GRIK4: variants seen among roughly 807,000 people sequenced by gnomAD.
GRIK4 encodes glutamate ionotropic receptor kainate type subunit 4.
A neutral mutation model predicts 104.9 loss-of-function variants in GRIK4; 40 were observed. The observed-to-expected ratio is 0.38, with a 90% confidence interval of 0.30 to 0.50. The LOEUF (loss-of-function observed/expected upper bound fraction) is 0.50. GRIK4 is among the 20% of genes least tolerant of loss of function. The pLI is 0.93. For missense variants in GRIK4, 1,047 were observed against 1,308.1 expected (o/e 0.80, Z 3.08); for synonymous variants, 485 against 524.9 (o/e 0.92, Z 1.04).
At position 120,594,757 on chromosome 11, in the gene GRIK4, C is replaced by T. The variant is rs188568109; in HGVS notation, c.-158-58928C>T. ...CCTGTGATTCACTGCAGTTGGGCCA[C>T]GGTTAATCCAATTCACTCATAGCCG... On this transcript the variant is annotated intron_variant, in intron 1 of 20. Transcript: ENST00000527524. Among the ~76,000 whole-genome samples the T allele has an allele frequency of 2.1e-4, 32 of 152,254 alleles. No homozygotes were observed. In the East Asian group the frequency reaches 5.6e-3, roughly 27 times the overall value.
intron 3 of GRIK4, among the ~76,000 whole-genome samples, chr11:120,685,371 T>G (rs1950259015): frequency 6.6e-6 from 1 of 152,250 alleles, no homozygotes; most frequent in African/African-American, 2.4e-5. Context: ...CATTAAAGTT[T>G]GAGAAACATG....
intron 1 of GRIK4, among the ~76,000 whole-genome samples, chr11:120,548,030 G>A (rs1435932142): frequency 1.3e-5 from 2 of 152,174 alleles, no homozygotes; most frequent in African/African-American, 4.8e-5. Flanking sequence ...GGTGAAGGAC[G>A]CTGGGAGAAT....
At chr11:120,880,044 C>G (rs1412609319) in intron 11 of GRIK4, among the ~76,000 whole-genome samples, 1 of 152,240 alleles carries the variant, frequency 6.6e-6, no homozygotes, top group African/African-American at 2.4e-5. Flanking sequence ...AATGGCTTGA[C>G]AGGCTCTAAT....
chr11:120,657,057 G>A (rs1443929814), intron 2 of GRIK4, among the ~76,000 whole-genome samples: 3 of 152,166 alleles, frequency 2.0e-5, no homozygotes, highest in Non-Finnish European at 1.5e-5. Flanking sequence ...TGAGGTAAGT[G>A]ATTGTATTTA....
chr11:120,588,121 C>T (rs918132604), intron 1 of GRIK4, among the ~76,000 whole-genome samples: 6 of 152,086 alleles, frequency 3.9e-5, no homozygotes, highest in South Asian at 2.1e-4. Flanking sequence ...CAGAGGGGCA[C>T]GAGACAGAGA....
chr11:120,604,679 C>CTG, intron 1 of GRIK4, among the ~76,000 whole-genome samples: 1 of 152,184 alleles, frequency 6.6e-6, no homozygotes, highest in Non-Finnish European at 1.5e-5. Flanking sequence ...CCCCTGTTAG[C>CTG]GATAAGCCAG....
intron 7 of GRIK4, among the ~76,000 whole-genome samples, chr11:120,832,910 G>C (rs1034138309): frequency 2.6e-5 from 4 of 152,214 alleles, no homozygotes; most frequent in African/African-American, 2.4e-5. Flanking sequence ...CCCGTTTCCA[G>C]GCTCCTTGGC....
chr11:120,564,393 G>A (rs889654882), intron 1 of GRIK4: 64 of 152,392 alleles, frequency 4.2e-4, no homozygotes, highest in African/African-American at 1.5e-3. Context: ...GGCGCCGCAT[G>A]CTAATCAGGG....
At chr11:120,609,885 T>C (rs970412941) in intron 1 of GRIK4, among the ~76,000 whole-genome samples, 7 of 152,126 alleles carry the variant, frequency 4.6e-5, no homozygotes, top group Non-Finnish European at 7.3e-5. Flanking sequence ...CTACACTTGG[T>C]TTTCCTGTCC....
intron 3 of GRIK4, among the ~76,000 whole-genome samples, chr11:120,768,031 G>GTTTT (rs111604415): frequency 7.1e-6 from 1 of 141,670 alleles, no homozygotes; most frequent in African/African-American, 2.6e-5. Flanking sequence ...GATATTAAGG[G>GTTTT]TTTTTTTTTT....
intron 1 of GRIK4, among the ~76,000 whole-genome samples, chr11:120,547,801 T>C (rs1446905429): frequency 6.6e-6 from 1 of 152,192 alleles, no homozygotes; most frequent in Non-Finnish European, 1.5e-5. Context: ...CTGGGTTTAA[T>C]GTGCTGAATT....
intron 1 of GRIK4, among the ~76,000 whole-genome samples, chr11:120,522,985 C>G (rs1230513650): frequency 6.6e-6 from 1 of 151,894 alleles, no homozygotes; most frequent in Non-Finnish European, 1.5e-5. Flanking sequence ...TGCACAGACA[C>G]CTGCTGAATC....
intron 1 of GRIK4, among the ~76,000 whole-genome samples, chr11:120,550,880 G>T (rs564559509): frequency 6.6e-6 from 1 of 152,158 alleles, no homozygotes; most frequent in South Asian, 2.1e-4. Context: ...ACAGGAGCAG[G>T]TGCACAGAGC....
rs148411481 is a variant in GRIK4 at position 120,904,425 on chromosome 11, C to G, written c.1273-865C>G. Among the ~76,000 whole-genome samples, 721 of 152,346 alleles carry G rather than the reference C, an allele frequency of 4.7e-3. 5 individuals are homozygous for G. The highest frequency in any genetic ancestry group is 0.017 in the African/African-American group (696 of 41,582). ...GCCTCTTACATCCTTCTGGCTTTCT[C>G]CAATCCAACCTGCAGCCCAGGATTC... is the stretch of plus-strand genomic sequence containing the variant. On this transcript the variant is annotated intron_variant, in intron 12 of 20. Coordinates refer to ENST00000527524, the MANE Select transcript of GRIK4 (RefSeq NM_014619.5).
intron 1 of GRIK4, among the ~76,000 whole-genome samples, chr11:120,644,700 T>A (rs1465383568): frequency 6.6e-6 from 1 of 152,144 alleles, no homozygotes; most frequent in Non-Finnish European, 1.5e-5. Flanking sequence ...CGGTGAACCT[T>A]CCAGTAGAAG....
chr11:120,854,212 C>A (rs1284346829), intron 8 of GRIK4, among the ~76,000 whole-genome samples: 1 of 152,200 alleles, frequency 6.6e-6, no homozygotes, highest in Non-Finnish European at 1.5e-5. Context: ...CCTCCTCTCC[C>A]AGGCAGTTAG....
At chr11:120,873,904 C>A in intron 9 of GRIK4, 162 bp from the exon 10 acceptor site, 1 of 614,772 alleles carries the variant, frequency 1.6e-6, no homozygotes, top group Admixed American at 2.9e-5. Context: ...TAGAGCTGGC[C>A]CAGAGACAGG....
chr11:120,772,381 C>A (rs7934092), intron 3 of GRIK4, among the ~76,000 whole-genome samples: 13,768 of 152,152 alleles, frequency 0.09, 1,382 homozygotes, highest in African/African-American at 0.25. Context: ...GCATTTTCTC[C>A]TGGCATCCTC....
chr11:120,658,727 CTTTTTTTTTTTTTTTTTTTTTTTTT>C (rs71050753), intron 2 of GRIK4, among the ~76,000 whole-genome samples: 1 of 56,694 alleles, frequency 1.8e-5, no homozygotes. Flanking sequence ...GAGGACGAAA[CTTTTTTTTTTTTTTTTTTTTTTTTT>C]TTTTTTTTTT....
Sources: allele counts gnomAD v4.1 joint callset (sites outside exome capture counted in the v4.1 genomes callset), GRCh38; gene constraint gnomAD v4.1.1; transcripts MANE v1.5; gene names NCBI Gene and HGNC (gene_info 2026-07-23, HGNC 2026-07-21).